RBFOX1: variants seen among roughly 807,000 people sequenced by gnomAD.
RBFOX1 encodes the protein RNA binding protein fox-1 homolog 1.
Under a neutral mutation model 57.7 loss-of-function variants are expected in RBFOX1, and 8 were observed. That is an observed-to-expected ratio of 0.14 (90% CI 0.08 to 0.25). The LOEUF is 0.25. RBFOX1 is among the 10% of genes least tolerant of loss of function. RBFOX1 has a pLI of 1.00. For missense variants in RBFOX1, 611 were observed against 548.5 expected, an observed-to-expected ratio of 1.11 and a Z score of -1.14; for synonymous variants, 326 against 222.4, an observed-to-expected ratio of 1.47 and a Z score of -4.15.
intron 4 of RBFOX1, among the ~76,000 whole-genome samples, chr16:7,173,169 T>C (rs1167855813): frequency 6.6e-6 from 1 of 152,206 alleles, no homozygotes; most frequent in African/African-American, 2.4e-5. Context: ...ATAACAAAAA[T>C]CATACAACTG....
At chr16:6,816,682 G>T (rs1318647869) in intron 3 of RBFOX1, among the ~76,000 whole-genome samples, 1 of 150,240 alleles carries the variant, frequency 6.7e-6, no homozygotes, top group Non-Finnish European at 1.5e-5. Context: ...GGAGCTTGCA[G>T]TGAGCTGAGA....
chr16:7,211,297 C>G (rs1272932436), intron 4 of RBFOX1, among the ~76,000 whole-genome samples: 1 of 145,822 alleles, frequency 6.9e-6, no homozygotes, highest in African/African-American at 2.6e-5. Flanking sequence ...GAGGCTGAGG[C>G]AGGAGAATGG....
intron 3 of RBFOX1, among the ~76,000 whole-genome samples, chr16:7,022,444 C>T (rs75204198): frequency 0.056 from 8,501 of 152,016 alleles, 432 homozygotes; most frequent in East Asian, 0.19. Flanking sequence ...CCCACATTTC[C>T]CTCTGTCTCT....
rs2047028710 is a variant in RBFOX1, at chr16:5,592,132, C to G, written c.259-6770C>G. Among the ~76,000 whole-genome samples the G allele has an allele frequency of 1.3e-5, 2 of 152,056 alleles. 1 individual carries two copies. Among genetic ancestry groups the G allele is most frequent in the South Asian group, 4.1e-4 (2 of 4,822 alleles). On this transcript the variant is annotated intron_variant, in intron 2 of 2. Coordinates refer to the RBFOX1 transcript ENST00000585867. Reference sequence around the variant, plus strand: ...ATGTGCATAAGAGGTATTTGCATGACCATCTTGTGAAATTGTCTGTACATT... The same window carrying G: ...ATGTGCATAAGAGGTATTTGCATGAGCATCTTGTGAAATTGTCTGTACATT...
At chr16:5,814,411 A>G (rs1035527348) in intron 3 of RBFOX1, among the ~76,000 whole-genome samples, 5 of 152,314 alleles carry the variant, frequency 3.3e-5, no homozygotes, top group African/African-American at 1.2e-4. Context: ...CCTCTTCCGA[A>G]GAATTATACC....
rs533402479 is a variant in RBFOX1 at position 6,710,452 on chromosome 16, G to A, written c.-16+55802G>A. ...ATTCTTTTTTTCATCCTAATTTTTT[G>A]GAATTTATTGTGCGTTTCATGCTGA... On this transcript the variant is annotated intron_variant, in intron 3 of 15. Transcript: ENST00000550418. Among the ~76,000 whole-genome samples, 4 of 151,984 alleles carry A rather than the reference G, an allele frequency of 2.6e-5. No homozygotes were observed. In the South Asian group the frequency reaches 8.3e-4, roughly 32 times the overall value.
chr16:7,363,201 C>T (rs934137086), intron 4 of RBFOX1, among the ~76,000 whole-genome samples: 1 of 152,148 alleles, frequency 6.6e-6, no homozygotes, highest in Non-Finnish European at 1.5e-5. Context: ...TTGCCGTCAG[C>T]CTCCATCCTG....
At chr16:6,483,337 CG>C in intron 2 of RBFOX1, 1 of 1,471,942 alleles carries the variant, frequency 6.8e-7, no homozygotes, top group South Asian at 1.3e-5. Flanking sequence ...CACCTGCTGG[CG>C]GTCGTGCCAG....
At chr16:7,089,407 TA>T (rs56754682) in intron 4 of RBFOX1, among the ~76,000 whole-genome samples, 12 of 151,878 alleles carry the variant, frequency 7.9e-5, no homozygotes, top group Admixed American at 2.0e-4. Context: ...TTTTAAGCAT[TA>T]AAAAAAAGTA....
intron 1 of RBFOX1, among the ~76,000 whole-genome samples, chr16:6,035,429 C>T (rs551729096): frequency 2.6e-4 from 40 of 152,352 alleles, no homozygotes; most frequent in African/African-American, 6.5e-4. Context: ...ATCCTCCATT[C>T]GATCACAGTA....
At chr16:7,410,830 C>T (rs1282316162) in intron 4 of RBFOX1, among the ~76,000 whole-genome samples, 1 of 150,344 alleles carries the variant, frequency 6.7e-6, no homozygotes, top group African/African-American at 2.5e-5. Context: ...TGAGTTTTCA[C>T]GTGTGTGTGT....
At chr16:5,908,886 C>A (rs2058544032) in intron 4 of RBFOX1, among the ~76,000 whole-genome samples, 1 of 151,920 alleles carries the variant, frequency 6.6e-6, no homozygotes, top group South Asian at 2.1e-4. Context: ...GAAGAGGTCA[C>A]AGAGAGCTCC....
At chr16:6,892,976 A>C (rs1337781290) in intron 3 of RBFOX1, among the ~76,000 whole-genome samples, 1 of 151,916 alleles carries the variant, frequency 6.6e-6, no homozygotes, top group African/African-American at 2.4e-5. Context: ...ATCTAGTTTT[A>C]CTTTTAATTG....
At chr16:6,830,708 C>T (rs1273776572) in intron 3 of RBFOX1, among the ~76,000 whole-genome samples, 1 of 152,160 alleles carries the variant, frequency 6.6e-6, no homozygotes, top group Non-Finnish European at 1.5e-5. Context: ...AGAAACGTTG[C>T]TCTATCATGG....
intron 3 of RBFOX1, among the ~76,000 whole-genome samples, chr16:6,788,245 C>G (rs1025592664): frequency 1.1e-4 from 17 of 151,950 alleles, no homozygotes; most frequent in African/African-American, 4.1e-4. Flanking sequence ...ATAAAATAAG[C>G]CAATGAGGTC....
intron 2 of RBFOX1, among the ~76,000 whole-genome samples, chr16:6,335,776 C>CAAAAAAAAAAA (rs57151962): frequency 2.0e-5 from 1 of 50,886 alleles, no homozygotes; most frequent in African/African-American, 5.6e-5. Flanking sequence ...AGACTGTCTC[C>CAAAAAAAAAAA]AAAAAAAAAA....
intron 5 of RBFOX1, among the ~76,000 whole-genome samples, chr16:7,537,914 G>T: frequency 6.6e-6 from 1 of 152,240 alleles, no homozygotes; most frequent in South Asian, 2.1e-4. Flanking sequence ...CAATGGAAAT[G>T]AGAGAATCTG....
intron 4 of RBFOX1, among the ~76,000 whole-genome samples, chr16:7,338,475 A>G (rs1237812588): frequency 6.6e-6 from 1 of 152,182 alleles, no homozygotes; most frequent in Non-Finnish European, 1.5e-5. Context: ...AGCTCACTGT[A>G]GCCTCGAACT....
At chr16:7,142,321 G>C (rs931159290) in intron 4 of RBFOX1, among the ~76,000 whole-genome samples, 2 of 152,198 alleles carry the variant, frequency 1.3e-5, no homozygotes, top group Admixed American at 6.5e-5. Context: ...ACCACACCTA[G>C]CCAAGTCCCA....
Sources: gnomAD v4.1 joint callset for allele counts (sites outside exome capture counted in the v4.1 genomes callset) on GRCh38, gnomAD v4.1.1 for gene constraint, MANE v1.5 for transcripts, NCBI Gene and HGNC (gene_info 2026-07-23, HGNC 2026-07-21) for gene names.